The following TXNDC11 variants were observed in gnomAD, a reference collection of about 807,000 sequenced individuals.
The protein encoded by TXNDC11 is thioredoxin domain containing 11.
TXNDC11 carries 68 observed loss-of-function variants against 78.0 expected under a neutral mutation model. The observed-to-expected ratio is 0.87, with a 90% CI of 0.72 to 1.07. The LOEUF is 1.07. Ranked by LOEUF, TXNDC11 falls within the 50% of genes least tolerant of loss-of-function variation. The pLI, the probability that TXNDC11 is intolerant of heterozygous loss-of-function variation, is 0.00. For synonymous variants in TXNDC11, 571 were observed against 495.2 expected, an observed-to-expected ratio of 1.15 and a Z score of -2.03; for missense variants, 1,389 against 1,221.8, an observed-to-expected ratio of 1.14 and a Z score of -2.04.
chr16:11,689,087 C>CTTTTT (rs34967613), intron 8 of TXNDC11, among the ~76,000 whole-genome samples: 11,697 of 142,996 alleles, frequency 0.082, 1,086 homozygotes, highest in African/African-American at 0.21. Context: ...TTGAATTTCA[C>CTTTTT]TTTTTTTTTT....
chr16:11,696,916 T>C, intron 7 of TXNDC11, among the ~76,000 whole-genome samples: 1 of 151,830 alleles, frequency 6.6e-6, no homozygotes, highest in East Asian at 1.9e-4. Context: ...AGGAGAGAAC[T>C]CTCCAAATCC....
In TXNDC11 at chr16:11,691,660, C is replaced by T; in HGVS notation, c.1530G>A (p.Arg510=). Residue 510 remains arginine (R), a synonymous_variant, in exon 8 of 12, where the codon AGG becomes AGA. Coordinates refer to ENST00000283033, the MANE Select transcript of TXNDC11 (RefSeq NM_015914.7). ...SPFSYYTACC[R]TISRGVSGFI... ...AGCCTGACACACCCCTGCTTATGGT[C>T]CTGCAACATGCAGTGTAGTAGCTGA... The T allele has an allele frequency of 6.2e-7, 1 of 1,614,154 alleles. No individual in the cohort carries two copies. Among genetic ancestry groups the T allele is most frequent in the Non-Finnish European group, 8.5e-7 (1 of 1,180,034 alleles).
At chr16:11,731,976 T>C (rs1275711600) in intron 3 of TXNDC11, among the ~76,000 whole-genome samples, 1 of 151,110 alleles carries the variant, frequency 6.6e-6, no homozygotes. Context: ...AAAAAGGAGC[T>C]ACCAATCTGG....
At position 11,736,080 on chromosome 16, in the gene TXNDC11, C is replaced by A; in HGVS notation, c.408G>T (p.Trp136Cys). ...CCCTGGCAGCGATGGACTGTCCACA[C>A]CAAGGGGCATAGAAGAAGAGCAGTA... ...EVVLLFFYAPWCGQSIAARAE... is the reference protein window; with the variant it reads ...EVVLLFFYAPCCGQSIAARAE... Residue 136 changes from tryptophan (W) to cysteine (C), a missense_variant, in exon 2 of 12, where the codon TGG (tryptophan) becomes TGT (cysteine). Trp to Cys is a radical substitution (Grantham distance 215). Coordinates refer to ENST00000283033, the MANE Select transcript of TXNDC11 (RefSeq NM_015914.7). 1 of 1,614,168 alleles carries A rather than the reference C, an allele frequency of 6.2e-7. No individual in the cohort carries two copies. Among genetic ancestry groups the A allele is most frequent in the Non-Finnish European group, 8.5e-7 (1 of 1,180,034 alleles).
intron 7 of TXNDC11, among the ~76,000 whole-genome samples, chr16:11,697,463 C>T (rs992253635): frequency 4.6e-5 from 7 of 152,216 alleles, no homozygotes; most frequent in Non-Finnish European, 8.8e-5. Context: ...TCTCTCCAGG[C>T]TCGCTCTGCA....
At chr16:11,737,871 A>G (rs2052272705) in intron 1 of TXNDC11, among the ~76,000 whole-genome samples, 1 of 151,558 alleles carries the variant, frequency 6.6e-6, no homozygotes, top group African/African-American at 2.4e-5. Flanking sequence ...AAAAAAAAAA[A>G]AAAGGAAGCA....
At chr16:11,689,514 A>C (rs1455759753) in intron 8 of TXNDC11, among the ~76,000 whole-genome samples, 1 of 152,228 alleles carries the variant, frequency 6.6e-6, no homozygotes, top group East Asian at 1.9e-4. Flanking sequence ...ACCAACAATG[A>C]CACACAGTAG....
chr16:11,728,165 T>C (rs982244594), intron 4 of TXNDC11, among the ~76,000 whole-genome samples: 3 of 152,240 alleles, frequency 2.0e-5, no homozygotes, highest in African/African-American at 7.2e-5. Context: ...ATCAAAACCA[T>C]GACAGTGGTT....
chr16:11,710,462 G>A (rs915030623), intron 5 of TXNDC11, among the ~76,000 whole-genome samples: 1 of 152,178 alleles, frequency 6.6e-6, no homozygotes, highest in African/African-American at 2.4e-5. Flanking sequence ...GATAACTAGG[G>A]CAAAGCTCCC....
intron 11 of TXNDC11, among the ~76,000 whole-genome samples, chr16:11,682,457 C>G (rs544483511): frequency 1.3e-5 from 2 of 152,360 alleles, no homozygotes; most frequent in African/African-American, 4.8e-5. Context: ...CCACACCAGG[C>G]AGCCTAAGAA....
At position 11,742,762 on chromosome 16, in the gene TXNDC11, C is replaced by T. The variant is rs746789468; in HGVS notation, c.-32G>A. On this transcript the variant is annotated 5_prime_UTR_variant, in exon 1 of 12. Coordinates refer to ENST00000283033, the MANE Select transcript of TXNDC11 (RefSeq NM_015914.7). Reference sequence around the variant, plus strand: ...CTCCCAGTCGCCGGCTTTATACCGCCGCCGCCGCCTCGGGCCCGAAGGCCC... The same window carrying T: ...CTCCCAGTCGCCGGCTTTATACCGCTGCCGCCGCCTCGGGCCCGAAGGCCC... The T allele has an allele frequency of 4.9e-6, 7 of 1,430,740 alleles. No homozygotes were observed. The East Asian group carries it at 1.9e-4, about 40-fold the overall frequency. 88.6% of individuals were successfully genotyped at this position (1,430,740 alleles called of 1,614,324 possible).
At chr16:11,688,206 T>C in intron 9 of TXNDC11, 97 bp downstream of exon 9, 1 of 1,377,092 alleles carries the variant, frequency 7.3e-7, no homozygotes, top group Non-Finnish European at 1.0e-6. Context: ...GTTACTCTTC[T>C]ATACATCAAA....
intron 10 of TXNDC11, among the ~76,000 whole-genome samples, chr16:11,684,920 C>T (rs2050523819): frequency 6.6e-6 from 1 of 152,238 alleles, no homozygotes; most frequent in Admixed American, 6.5e-5. Flanking sequence ...AGGGGCTATT[C>T]AGCTACTATT....
chr16:11,683,436 C>T (rs761423405), intron 11 of TXNDC11, among the ~76,000 whole-genome samples: 16 of 152,128 alleles, frequency 1.1e-4, no homozygotes, highest in Admixed American at 2.6e-4. Flanking sequence ...GTCCTCTGTA[C>T]GAGAGGGATG....
intron 5 of TXNDC11, among the ~76,000 whole-genome samples, chr16:11,712,957 C>CAG (rs2051406515): frequency 6.6e-6 from 1 of 150,744 alleles, no homozygotes; most frequent in Non-Finnish European, 1.5e-5. Context: ...CACACACACA[C>CAG]AGAAATCAGT....
chr16:11,684,270 G>C (rs966325721), intron 10 of TXNDC11, 25 bp from the exon 11 acceptor site: 29 of 1,572,640 alleles, frequency 1.8e-5, no homozygotes, highest in Middle Eastern at 1.7e-4. Context: ...GAACAGAAAT[G>C]GCAGATGATC....
chr16:11,700,371 A>C lies in TXNDC11; in HGVS notation c.906+81T>G, dbSNP rs913690763. 12 of 642,448 alleles carry C rather than the reference A, an allele frequency of 1.9e-5. 1 individual carries two copies. The East Asian group carries it at 2.8e-4, about 15-fold the overall frequency. 39.8% of individuals were successfully genotyped at this position (642,448 alleles called of 1,614,324 possible). A position where few individuals can be genotyped will look rare whatever the true frequency, so the allele number is the denominator to read the frequency against. The stretch of plus-strand genomic sequence containing the variant: ...TTTCTAGAGAGTGTCCATAGATTTT[A>C]ACCAATTCTCAAAGGAGTCTGTGAC... On this transcript the variant is annotated intron_variant, in intron 6 of 11. Coordinates refer to ENST00000283033, the MANE Select transcript of TXNDC11 (RefSeq NM_015914.7).
chr16:11,713,301 G>T (rs971351416), intron 5 of TXNDC11, among the ~76,000 whole-genome samples: 5 of 149,902 alleles, frequency 3.3e-5, no homozygotes, highest in Non-Finnish European at 7.4e-5. Context: ...AAAAAGAAAA[G>T]AAATCATAAT....
At chr16:11,742,248 C>T (rs1597512862) in intron 1 of TXNDC11, 5 of 437,774 alleles carry the variant, frequency 1.1e-5, no homozygotes, top group South Asian at 5.0e-5. Context: ...TAAAGCGGGA[C>T]GATAGGGCGC....
Sources: gnomAD v4.1 joint callset for allele counts (sites outside exome capture counted in the v4.1 genomes callset) on GRCh38, gnomAD v4.1.1 for gene constraint, MANE v1.5 for transcripts, NCBI Gene and HGNC (gene_info 2026-07-23, HGNC 2026-07-21) for gene names.